Variants in SCARA3 observed in about 807,000 individuals in gnomAD.
SCARA3 encodes cellular stress response gene protein.
SCARA3 carries 39 observed loss-of-function variants against 47.0 expected under a neutral mutation model. The observed-to-expected ratio is 0.83, with a 90% confidence interval of 0.64 to 1.08. SCARA3 has a LOEUF of 1.08. Among genes scored for constraint, SCARA3 ranks in the 50% least tolerant of loss-of-function variants. SCARA3 has a pLI of 0.00. For synonymous variants in SCARA3, 356 were observed against 334.1 expected (o/e 1.07, Z -0.71); for missense variants, 724 against 792.3 (o/e 0.91, Z 1.04).
At chr8:27,637,158 C>G (rs894020) in intron 1 of SCARA3, among the ~76,000 whole-genome samples, 50,195 of 152,238 alleles carry the variant, frequency 0.33, 8,564 homozygotes, top group East Asian at 0.47. Context: ...GGCCGAGTGC[C>G]AGGGCCCACT....
chr8:27,710,174 T>G, the SCARA3 span, among the ~76,000 whole-genome samples: 2 of 148,626 alleles, frequency 1.3e-5, no homozygotes, highest in Non-Finnish European at 3.0e-5. Flanking sequence ...AGGCTGCAGT[T>G]AGCTGAGATG....
chr8:27,715,324 A>G, the SCARA3 span, among the ~76,000 whole-genome samples: 292 of 152,174 alleles, frequency 1.9e-3, 2 homozygotes, highest in Non-Finnish European at 2.2e-3. The surrounding 1 kb of genome is among the most constrained non-coding windows in gnomAD (Gnocchi z 4.2). Flanking sequence ...CTTAATATAT[A>G]TACTCATTGG....
chr8:27,652,108 A>G lies in SCARA3; in HGVS notation c.226+481A>G, dbSNP rs936814908. On this transcript the variant is annotated intron_variant, in intron 3 of 5. Transcript: ENST00000301904. ...TGAGGCTGGATGCCTACCTGCAGCA[A>G]TTTCACCTCCAGTATTTGTTAAAAT... is the stretch of plus-strand genomic sequence containing the variant. 7.2e-5 allele frequency among the ~76,000 whole-genome samples: 11 copies of G among 152,224 alleles called. No homozygotes were observed. The South Asian group carries it at 2.1e-3, about 29-fold the overall frequency.
Position 27,671,179 on chromosome 8 carries a change from G to T in SCARA3, c.1649G>T (p.Gly550Val). The change falls in exon 6 of 6, where the codon GGG becomes GTG. Residue 550 changes from glycine (G) to valine (V), a missense_variant. Gly to Val is a moderately radical substitution (Grantham distance 109). Coordinates refer to ENST00000301904, the MANE Select transcript of SCARA3 (RefSeq NM_016240.3). Reference sequence around the variant, plus strand: ...GACATAGGGCCCCCAGGGCCAGAAGGGCCCCCGGGGTCTCCAGGGCCCTCA... The same window carrying T: ...GACATAGGGCCCCCAGGGCCAGAAGTGCCCCCGGGGTCTCCAGGGCCCTCA... ...KGDIGPPGPEGPPGSPGPSGP... is the reference protein window; with the variant it reads ...KGDIGPPGPEVPPGSPGPSGP... 1 of 1,516,444 alleles carries T rather than the reference G, an allele frequency of 6.6e-7. No homozygotes were observed. Among genetic ancestry groups the T allele is most frequent in the Non-Finnish European group, 8.8e-7 (1 of 1,137,482 alleles). The allele number at this position is 1,516,444 out of a possible 1,614,324, so 93.9% of individuals were successfully genotyped here.
At chr8:27,707,985 A>G in the SCARA3 span, among the ~76,000 whole-genome samples, 3 of 152,210 alleles carry the variant, frequency 2.0e-5, no homozygotes, top group Non-Finnish European at 4.4e-5. Context: ...AGATTCAGAA[A>G]ATTTACTTCC....
At chr8:27,692,961 CA>C in the SCARA3 span, among the ~76,000 whole-genome samples, 10 of 151,676 alleles carry the variant, frequency 6.6e-5, no homozygotes, top group Admixed American at 5.9e-4. Flanking sequence ...CCTGTCTCTA[CA>C]AAAAAATACA....
At chr8:27,640,790 A>G (rs1456246917) in intron 1 of SCARA3, among the ~76,000 whole-genome samples, 2 of 151,422 alleles carry the variant, frequency 1.3e-5, no homozygotes, top group Non-Finnish European at 2.9e-5. Context: ...TCAACCTCTT[A>G]GGCTCAAGCA....
At chr8:27,641,356 A>T (rs1801377714) in intron 1 of SCARA3, among the ~76,000 whole-genome samples, 1 of 152,184 alleles carries the variant, frequency 6.6e-6, no homozygotes, top group Non-Finnish European at 1.5e-5. Flanking sequence ...AGAAGTTGGA[A>T]CCTCATGGTC....
the SCARA3 span, among the ~76,000 whole-genome samples, chr8:27,686,153 T>C: frequency 6.6e-6 from 1 of 152,090 alleles, no homozygotes; most frequent in Non-Finnish European, 1.5e-5. Flanking sequence ...GTTAAGAAAT[T>C]ATTGTTGCTG....
At chr8:27,684,221 T>G in the SCARA3 span, among the ~76,000 whole-genome samples, 1 of 151,980 alleles carries the variant, frequency 6.6e-6, no homozygotes, top group Admixed American at 6.6e-5. Flanking sequence ...TTAAAAAAAG[T>G]CATAAAAATA....
chr8:27,659,330 T>C lies in SCARA3; in HGVS notation c.1160T>C (p.Leu387Pro), dbSNP rs916130569. The C allele has an allele frequency of 1.9e-6, 3 of 1,613,992 alleles. No individual in the cohort carries two copies. The highest frequency in any genetic ancestry group is 2.5e-6 in the Non-Finnish European group (3 of 1,180,022). Residue 387 changes from leucine (L) to proline (P), a missense_variant, in exon 5 of 6, where the codon CTG (leucine) becomes CCG (proline). By Grantham distance (98) the Leu-to-Pro change is moderately conservative. Coordinates refer to ENST00000301904, the MANE Select transcript of SCARA3 (RefSeq NM_016240.3). ...GATGACGTGCGGCTCTCCTGCACGC[T>C]GGGCTTCCACACCCATGCCGAGGAG... ...YLDDVRLSCTLGFHTHAEELY... is the reference protein window; with the variant it reads ...YLDDVRLSCTPGFHTHAEELY...
At chr8:27,718,338 C>G in the SCARA3 span, among the ~76,000 whole-genome samples, 3 of 152,254 alleles carry the variant, frequency 2.0e-5, no homozygotes, top group Non-Finnish European at 4.4e-5. Context: ...TCAGGCAAAG[C>G]CTGAAATGAT....
At chr8:27,707,546 A>G in the SCARA3 span, among the ~76,000 whole-genome samples, 647 of 152,204 alleles carry the variant, frequency 4.3e-3, 6 homozygotes, top group African/African-American at 0.015. Context: ...AAGTAGAAGA[A>G]AAAAAATGAG....
At chr8:27,703,381 A>G in the SCARA3 span, 87,011 of 152,390 alleles carry the variant, frequency 0.57, 25,211 homozygotes, top group Middle Eastern at 0.68. Flanking sequence ...TTTCCAACCC[A>G]TCAGCAGAAA....
chr8:27,658,504 G>A lies in SCARA3; in HGVS notation c.334G>A (p.Ala112Thr), dbSNP rs760804999. Reference sequence around the variant, plus strand: ...ATCCCTTTCCCCTAAAGATCCGAAAGCCCTGAACAACTGCTCTTTCTGCCA... The same window carrying A: ...ATCCCTTTCCCCTAAAGATCCGAAAACCCTGAACAACTGCTCTTTCTGCCA... ...QKNLQGLDPK[A>T]LNNCSFCHEA... The change falls in exon 5 of 6, where the codon GCC (alanine) becomes ACC (threonine). Residue 112 changes from alanine to threonine, a missense_variant. By Grantham distance (58) the Ala-to-Thr change is moderately conservative. Transcript: ENST00000301904. The A allele has an allele frequency of 6.2e-7, 1 of 1,606,850 alleles. No individual in the cohort carries two copies. Among genetic ancestry groups the A allele is most frequent in the Non-Finnish European group, 8.5e-7 (1 of 1,176,790 alleles).
intron 1 of SCARA3, among the ~76,000 whole-genome samples, chr8:27,645,041 AC>A (rs1415388741): frequency 3.9e-5 from 6 of 152,168 alleles, no homozygotes; most frequent in African/African-American, 1.4e-4. Context: ...CCAGTCCTCC[AC>A]CAGCTCATTC....
Position 27,646,972 on chromosome 8 carries a change from GC to G in SCARA3, c.8-2720del, listed in dbSNP as rs757314343. On this transcript the variant is annotated intron_variant, in intron 1 of 5. Transcript: ENST00000301904. The stretch of plus-strand genomic sequence containing the variant: ...CTTGCCCGCACCCCTGACCGCCCCC[GC>G]CCCCCCCCCGCACACACACACTATT... Among the ~76,000 whole-genome samples the G allele has an allele frequency of 7.7e-4, 18 of 23,506 alleles. 2 individuals are homozygous for G. The highest frequency in any genetic ancestry group is 2.2e-3 in the African/African-American group (13 of 5,974). 15.4% of individuals were successfully genotyped at this position (23,506 alleles called of 152,430 possible).
the SCARA3 span, among the ~76,000 whole-genome samples, chr8:27,721,346 C>G: frequency 6.6e-6 from 1 of 152,106 alleles, no homozygotes; most frequent in Non-Finnish European, 1.5e-5. Flanking sequence ...ATGAACCGGG[C>G]ACTGTTCTAG....
At chr8:27,668,471 CG>C (rs34110027) in intron 5 of SCARA3, among the ~76,000 whole-genome samples, 4,116 of 145,932 alleles carry the variant, frequency 0.028, 190 homozygotes, top group African/African-American at 0.096. Context: ...ACCCGGGAAG[CG>C]GAGCTTGCAG....
Sources: gnomAD v4.1 joint callset for allele counts (sites outside exome capture counted in the v4.1 genomes callset) on GRCh38, gnomAD v4.1.1 for gene constraint, Gnocchi (gnomAD v3.1) non-coding constraint, MANE v1.5 for transcripts, NCBI Gene and HGNC (gene_info 2026-07-23, HGNC 2026-07-21) for gene names.